The following NREP variants were observed in gnomAD, a reference collection of about 807,000 sequenced individuals.
NREP encodes neuronal regeneration related protein.
NREP carries 5 observed loss-of-function variants against 8.6 expected under a neutral mutation model. The ratio of observed to expected loss-of-function variants is 0.58; its 90% CI spans 0.30 to 1.22. NREP has a LOEUF of 1.22. Ranked by LOEUF, NREP falls within the 50% of genes most tolerant of loss-of-function variation. The pLI, the probability that NREP is intolerant of heterozygous loss-of-function variation, is 0.07. For synonymous variants in NREP, 27 were observed against 28.0 expected (o/e 0.96, Z 0.11); for missense variants, 86 against 82.5 (o/e 1.04, Z -0.17).
chr5:111,814,503 G>A (rs1382886750), intron 2 of NREP, among the ~76,000 whole-genome samples: 3 of 152,024 alleles, frequency 2.0e-5, no homozygotes, highest in African/African-American at 4.8e-5. Context: ...CTTGATTTCT[G>A]CCCCTCTTTT....
At chr5:111,943,567 C>T (rs1755892040) in intron 2 of NREP, among the ~76,000 whole-genome samples, 1 of 152,082 alleles carries the variant, frequency 6.6e-6, no homozygotes, top group African/African-American at 2.4e-5. Context: ...CACTGCGAAG[C>T]CAGTGCAGAC....
chr5:111,817,073 T>C (rs1752400682), intron 2 of NREP, among the ~76,000 whole-genome samples: 1 of 152,172 alleles, frequency 6.6e-6, no homozygotes, highest in African/African-American at 2.4e-5. Context: ...ATTTAAACTT[T>C]CATTTTCTAA....
chr5:111,856,404 CAA>C (rs370995551), intron 2 of NREP, among the ~76,000 whole-genome samples: 1 of 152,076 alleles, frequency 6.6e-6, no homozygotes. Context: ...GCGACCTAAA[CAA>C]AAAACTCATA....
chr5:111,953,856 G>A (rs188893494), intron 2 of NREP, among the ~76,000 whole-genome samples: 10 of 152,262 alleles, frequency 6.6e-5, no homozygotes, highest in Admixed American at 6.5e-4. Context: ...ATGGAAATAT[G>A]TAATATATTT....
At chr5:111,955,483 A>C (rs1402970982) in intron 2 of NREP, among the ~76,000 whole-genome samples, 1 of 114,846 alleles carries the variant, frequency 8.7e-6, no homozygotes, top group Non-Finnish European at 2.1e-5. Context: ...AAAAAAAAAC[A>C]AAAAACAAAA....
At chr5:111,895,979 C>T (rs975504999) in intron 2 of NREP, among the ~76,000 whole-genome samples, 1 of 152,094 alleles carries the variant, frequency 6.6e-6, no homozygotes, top group Non-Finnish European at 1.5e-5. Context: ...GAACATCAAC[C>T]CTGCTATAGC....
intron 2 of NREP, among the ~76,000 whole-genome samples, chr5:111,778,267 A>G (rs1751410193): frequency 6.6e-6 from 1 of 152,170 alleles, no homozygotes; most frequent in African/African-American, 2.4e-5. Context: ...AATTACTGCT[A>G]CAAGTGGTCT....
intron 2 of NREP, chr5:111,739,656 AT>A (rs1482998248): frequency 6.6e-6 from 1 of 152,046 alleles, no homozygotes; most frequent in Non-Finnish European, 1.5e-5. Flanking sequence ...CATTCCATTC[AT>A]TCATTGTCTG....
chr5:111,794,062 A>G (rs901542659), intron 2 of NREP, among the ~76,000 whole-genome samples: 4 of 152,218 alleles, frequency 2.6e-5, no homozygotes, highest in Non-Finnish European at 5.9e-5. Context: ...AATAAAGTTA[A>G]TGCAGTGTTT....
chr5:111,807,114 TAAAAACAA>T (rs1336575650), intron 2 of NREP, among the ~76,000 whole-genome samples: 5 of 151,666 alleles, frequency 3.3e-5, no homozygotes, highest in African/African-American at 7.3e-5. Context: ...TAATTTATCT[TAAAAACAA>T]AAAAACAAAA....
intron 2 of NREP, among the ~76,000 whole-genome samples, chr5:111,821,712 C>A (rs1349300448): frequency 1.3e-5 from 2 of 152,084 alleles, no homozygotes; most frequent in African/African-American, 2.4e-5. Flanking sequence ...AGTTTCATGT[C>A]CTTTCTTTCT....
chr5:111,923,362 T>G (rs761452862), intron 2 of NREP, among the ~76,000 whole-genome samples: 2 of 152,210 alleles, frequency 1.3e-5, no homozygotes, highest in Non-Finnish European at 2.9e-5. Flanking sequence ...GGAATTTCCC[T>G]GAGATCCTCC....
At chr5:111,852,960 A>C (rs1214334289) in intron 2 of NREP, among the ~76,000 whole-genome samples, 1 of 152,140 alleles carries the variant, frequency 6.6e-6, no homozygotes, top group Non-Finnish European at 1.5e-5. Flanking sequence ...GGAGGACTGA[A>C]AGAGCTTATT....
chr5:111,863,643 A>T (rs907670794), intron 2 of NREP, among the ~76,000 whole-genome samples: 1 of 152,148 alleles, frequency 6.6e-6, no homozygotes, highest in Non-Finnish European at 1.5e-5. Flanking sequence ...GAGAAAAGCT[A>T]TGAGAGTGTA....
chr5:111,806,137 G>T (rs575751253), intron 2 of NREP, among the ~76,000 whole-genome samples: 1 of 152,212 alleles, frequency 6.6e-6, no homozygotes, highest in South Asian at 2.1e-4. Flanking sequence ...AAAATAAAAA[G>T]CTAGGGGTTA....
intron 2 of NREP, among the ~76,000 whole-genome samples, chr5:111,806,194 CTGTG>C (rs1752137296): frequency 6.6e-6 from 1 of 152,126 alleles, no homozygotes; most frequent in African/African-American, 2.4e-5. Flanking sequence ...ACAGAAATAG[CTGTG>C]TGTGTCTCTA....
intron 2 of NREP, among the ~76,000 whole-genome samples, chr5:111,967,339 C>T (rs1487816890): frequency 1.3e-5 from 2 of 152,202 alleles, no homozygotes; most frequent in Non-Finnish European, 1.5e-5. Flanking sequence ...AATGTAAAAA[C>T]TCCTTTCTAG....
intron 2 of NREP, among the ~76,000 whole-genome samples, chr5:111,842,897 C>G (rs1753065527): frequency 6.6e-6 from 1 of 152,190 alleles, no homozygotes; most frequent in Non-Finnish European, 1.5e-5. Context: ...TATTATTCCA[C>G]TCTTCCTGGC....
chr5:111,762,368 A>G (rs1424635899), upstream of NREP, among the ~76,000 whole-genome samples: 1 of 152,102 alleles, frequency 6.6e-6, no homozygotes, highest in Non-Finnish European at 1.5e-5. Context: ...ATGTTCCAGT[A>G]GCTATCTTTG....
Sources: allele counts gnomAD v4.1 joint callset (sites outside exome capture counted in the v4.1 genomes callset), GRCh38; gene constraint gnomAD v4.1.1; transcripts MANE v1.5; gene names NCBI Gene and HGNC (gene_info 2026-07-23, HGNC 2026-07-21).